Variants in WASHC5 observed in about 807,000 individuals in gnomAD.
WASHC5 encodes WASH complex subunit strumpellin.
In WASHC5, 101 loss-of-function variants were observed where a neutral mutation model predicts 150.4. The observed-to-expected ratio is 0.67, with a 90% CI of 0.57 to 0.79. WASHC5 has a LOEUF of 0.79. WASHC5 is among the 30% of genes least tolerant of loss of function. WASHC5 has a pLI of 0.00. For synonymous variants in WASHC5, 467 were observed against 491.2 expected, an observed-to-expected ratio of 0.95 and a Z score of 0.65; for missense variants, 1,195 against 1,396.3, an observed-to-expected ratio of 0.86 and a Z score of 2.30.
rs760732948 is a variant in WASHC5, at chr8:125,057,542, G to A, written c.1875+14C>T. 28 of 1,499,232 alleles carry A rather than the reference G, an allele frequency of 1.9e-5. No individual in the cohort carries two copies. The highest frequency in any genetic ancestry group is 2.5e-5 in the Non-Finnish European group (27 of 1,077,204). 92.9% of individuals were successfully genotyped at this position (1,499,232 alleles called of 1,614,324 possible). On this transcript the variant is annotated intron_variant, in intron 15 of 28. Transcript: ENST00000318410. ...ATCTGGCAAGAGTAAATATCACCCT[G>A]ATGCATTTCTTACTTTTCTCACATA...
intron 1 of WASHC5, among the ~76,000 whole-genome samples, chr8:125,085,594 C>T (rs915632557): frequency 2.0e-5 from 3 of 152,160 alleles, no homozygotes; most frequent in Non-Finnish European, 2.9e-5. Flanking sequence ...TTTTCCTGTA[C>T]ACATAAGTCT....
intron 23 of WASHC5, among the ~76,000 whole-genome samples, chr8:125,040,431 C>T (rs143248392): frequency 3.2e-4 from 49 of 152,204 alleles, no homozygotes; most frequent in Admixed American, 7.2e-4. Context: ...AAATCTTTCA[C>T]GAAAATTTTA....
At chr8:125,075,857 A>G (rs1817045125) in intron 7 of WASHC5, among the ~76,000 whole-genome samples, 1 of 152,216 alleles carries the variant, frequency 6.6e-6, no homozygotes, top group African/African-American at 2.4e-5. Flanking sequence ...TTATTCCTAT[A>G]AGAATATTTT....
At chr8:125,041,795 T>A (rs771139836) in intron 23 of WASHC5, among the ~76,000 whole-genome samples, 5 of 152,208 alleles carry the variant, frequency 3.3e-5, no homozygotes, top group Non-Finnish European at 5.9e-5. Flanking sequence ...GTGAAAAACG[T>A]CAATCCAAAA....
chr8:125,053,776 A>C (rs1816319903), intron 17 of WASHC5, among the ~76,000 whole-genome samples: 1 of 152,222 alleles, frequency 6.6e-6, no homozygotes, highest in African/African-American at 2.4e-5. Context: ...AATAAAGAAA[A>C]GCACCATAAA....
intron 24 of WASHC5, 137 bp from the exon 25 acceptor site, chr8:125,039,096 T>A: frequency 1.0e-6 from 1 of 971,064 alleles, no homozygotes; most frequent in South Asian, 1.4e-5. Flanking sequence ...TCGCTAATTC[T>A]CAACCATGCC....
At chr8:125,078,973 A>C (rs764496897) in intron 5 of WASHC5, 43 bp from the exon 6 acceptor site, 10 of 1,532,714 alleles carry the variant, frequency 6.5e-6, no homozygotes, top group Non-Finnish European at 9.0e-6. Context: ...CAAAACACAC[A>C]TATTAGAAAC....
rs768204125 is a variant in WASHC5 at position 125,067,576 on chromosome 8, A to C, written c.1278+16T>G. 9 of 1,600,254 alleles carry C rather than the reference A, an allele frequency of 5.6e-6. No individual in the cohort carries two copies. Among genetic ancestry groups the C allele is most frequent in the Non-Finnish European group, 6.8e-6 (8 of 1,167,976 alleles). ...AAAAGCTAAGACTGTGGTGATATTC[A>C]TTCAAATATTTTTACCTCTTTGAGT... is the stretch of plus-strand genomic sequence containing the variant. On this transcript the variant is annotated intron_variant, in intron 10 of 28. Transcript: ENST00000318410.
At position 125,038,937 on chromosome 8, in the gene WASHC5, C is replaced by T. The variant is rs774332269; in HGVS notation, c.2977G>A (p.Ala993Thr). ...LNKALLADIE[A>T]HYQDPSLPYP... ...GGAAGTGAAGGGTCCTGATAGTGGG[C>T]TTCAATGTCTGCTAGGAGAGCCCTA... is the stretch of plus-strand genomic sequence containing the variant. Residue 993 changes from alanine to threonine, a missense_variant, in exon 25 of 29, where the codon GCC (alanine) becomes ACC (threonine). Physicochemically the swap from Ala to Thr is moderately conservative, Grantham distance 58. Around this residue, in one of 3 missense-constraint regions of WASHC5, gnomAD observed 997 missense variants for 1,168.1 expected, o/e 0.85. Transcript: ENST00000318410. The T allele has an allele frequency of 1.2e-6, 2 of 1,613,868 alleles. No individual in the cohort carries two copies. The highest frequency in any genetic ancestry group is 2.2e-5 in the South Asian group (2 of 91,084).
At chr8:125,028,765 G>T in intron 27 of WASHC5, 58 bp from the exon 28 acceptor site, 1 of 1,204,696 alleles carries the variant, frequency 8.3e-7, no homozygotes. Flanking sequence ...AGCCCTTTTG[G>T]TCAGAATCCT....
intron 23 of WASHC5, 89 bp downstream of exon 23, chr8:125,043,736 A>G: frequency 2.4e-6 from 2 of 848,930 alleles, no homozygotes; most frequent in East Asian, 2.5e-5. Flanking sequence ...AAGAAAGAAG[A>G]GTAGCTTTTT....
Position 125,065,687 on chromosome 8 carries a change from G to A in WASHC5, c.1278+1905C>T, listed in dbSNP as rs139291626. Among the ~76,000 whole-genome samples, 1,462 of 150,448 alleles carry A rather than the reference G, an allele frequency of 9.7e-3. 58 individuals are homozygous for A. Among genetic ancestry groups the A allele is most frequent in the Admixed American group, 0.076 (1,147 of 15,040 alleles). On this transcript the variant is annotated intron_variant, in intron 10 of 28. Transcript: ENST00000318410. ...GGCTGGAGTGCAGTGGCATGATCTC[G>A]GCTCATTGCAACCTCTGCCTGTGTT...
At chr8:125,072,409 T>C (rs1270176307) in intron 9 of WASHC5, among the ~76,000 whole-genome samples, 3 of 149,990 alleles carry the variant, frequency 2.0e-5, no homozygotes, top group Non-Finnish European at 3.0e-5. Context: ...GGTCTTGCTC[T>C]GTCACTTAGG....
intron 5 of WASHC5, among the ~76,000 whole-genome samples, chr8:125,080,100 A>C (rs1333802252): frequency 1.3e-5 from 2 of 152,204 alleles, no homozygotes; most frequent in Non-Finnish European, 2.9e-5. Flanking sequence ...GATTCAAAGA[A>C]TCTTAGACTT....
At chr8:125,076,761 AGT>A (rs1563632868) in intron 6 of WASHC5, among the ~76,000 whole-genome samples, 115 of 143,194 alleles carry the variant, frequency 8.0e-4, no homozygotes, top group African/African-American at 2.8e-3. Context: ...AAAAAAAAAA[AGT>A]CCCATTCCTG....
chr8:125,076,363 G>C lies in WASHC5; in HGVS notation c.849C>G (p.Tyr283Ter). Residue 283 changes from tyrosine (Y) to a stop codon, truncating the protein, a stop_gained, in exon 7 of 29, where the codon TAC (tyrosine) becomes TAG (stop). Coordinates refer to ENST00000318410, the MANE Select transcript of WASHC5 (RefSeq NM_014846.4). LOFTEE classifies it high-confidence loss of function. ...CAATACTTGCCCAATTATCTGGAAA[G>C]TATTTATCCACTATCTCTCTCATTT... is the stretch of plus-strand genomic sequence containing the variant. ...QAKMREIVDK[Y>*]FPDNWVISIY... 1.2e-6 allele frequency: 2 copies of C among 1,613,952 alleles called. No individual in the cohort carries two copies. Among genetic ancestry groups the C allele is most frequent in the Non-Finnish European group, 1.7e-6 (2 of 1,179,902 alleles).
At chr8:125,080,577 T>C (rs1817225170) in intron 5 of WASHC5, among the ~76,000 whole-genome samples, 2 of 152,220 alleles carry the variant, frequency 1.3e-5, no homozygotes, top group Admixed American at 1.3e-4. Flanking sequence ...AAAATGTTAA[T>C]TCTACTCTTT....
At chr8:125,033,198 G>C (rs1231829833) in intron 26 of WASHC5, among the ~76,000 whole-genome samples, 3 of 152,144 alleles carry the variant, frequency 2.0e-5, no homozygotes, top group Non-Finnish European at 4.4e-5. Context: ...TGTTGGGAAG[G>C]TTTAGGTTGC....
rs780278194 is a variant in WASHC5 at position 125,044,074 on chromosome 8, C to T, written c.2688G>A (p.Gln896=). ...CAGTTCTGTCTCTCAGGATAATTTT[C>T]TGAAACATACTGAGGAAATTCTAAA... The part of the protein sequence containing the change: ...KELQNFLSMF[Q]KIILRDRTVQ... The change falls in exon 22 of 29, where the codon CAG becomes CAA. Residue 896 remains glutamine, a synonymous_variant. Transcript: ENST00000318410. 2 of 1,610,358 alleles carry T rather than the reference C, an allele frequency of 1.2e-6. No homozygotes were observed. The highest frequency in any genetic ancestry group is 2.7e-5 in the African/African-American group (2 of 74,848).
Sources: allele counts gnomAD v4.1 joint callset (sites outside exome capture counted in the v4.1 genomes callset), GRCh38; gene constraint gnomAD v4.1.1; regional missense constraint gnomAD v4.1.1; transcripts MANE v1.5; gene names NCBI Gene and HGNC (gene_info 2026-07-23, HGNC 2026-07-21).